The following FBXO24 variants were observed in gnomAD, a reference collection of about 807,000 sequenced individuals.
FBXO24 encodes F-box only protein 24.
In FBXO24, 30 loss-of-function variants were observed where a neutral mutation model predicts 63.5. That is an observed-to-expected ratio of 0.47 (90% CI 0.35 to 0.64). FBXO24 has a LOEUF of 0.64. Among genes scored for constraint, FBXO24 ranks in the 30% least tolerant of loss-of-function variants. FBXO24 has a pLI of 0.00. For missense variants in FBXO24, 624 were observed against 763.4 expected (o/e 0.82, Z 2.15); for synonymous variants, 300 against 305.0 (o/e 0.98, Z 0.17).
At chr7:100,587,011 C>T (rs1801791913) in intron 1 of FBXO24, among the ~76,000 whole-genome samples, 1 of 152,154 alleles carries the variant, frequency 6.6e-6, no homozygotes, top group Admixed American at 6.5e-5. Flanking sequence ...CGAGGAGCTC[C>T]CCTGGACAGG....
At chr7:100,586,966 T>G (rs1801789494) in intron 1 of FBXO24, among the ~76,000 whole-genome samples, 2 of 151,294 alleles carry the variant, frequency 1.3e-5, no homozygotes, top group African/African-American at 2.4e-5. Context: ...GGAGGGAGGG[T>G]GTAGGTGCAG....
intron 5 of FBXO24, among the ~76,000 whole-genome samples, chr7:100,593,377 A>C (rs1250856099): frequency 1.3e-5 from 2 of 152,164 alleles, no homozygotes; most frequent in South Asian, 2.1e-4. Flanking sequence ...CACACCTGTA[A>C]TCCCAGTTTT....
In FBXO24 at chr7:100,586,523, T is replaced by G; in HGVS notation, c.-103T>G. 7.9e-7 allele frequency: 1 copy of G among 1,262,206 alleles called. No individual in the cohort carries two copies. The allele number at this position is 1,262,206 out of a possible 1,614,324, so 78.2% of individuals were successfully genotyped here. A position where few individuals can be genotyped will look rare whatever the true frequency, so the allele number is the denominator to read the frequency against. On this transcript the variant is annotated 5_prime_UTR_variant, in exon 1 of 10. Transcript: ENST00000241071. ...GTCCTCGTCCCCCAAAGACCAATCGTAAGCCAGATACAGGCGAGTGACTGT... is the reference window on the plus strand; with the variant it reads ...GTCCTCGTCCCCCAAAGACCAATCGGAAGCCAGATACAGGCGAGTGACTGT...
In FBXO24 at chr7:100,592,809, A is replaced by T; in HGVS notation, c.585A>T (p.Thr195=). ...TTGCCTCGGACCCAAGGTGTGACAC[A>T]GTTTACCGTAAATACCTCTACGTCT... is the stretch of plus-strand genomic sequence containing the variant. The part of the protein sequence containing the change: ...KDFASDPRCD[T]VYRKYLYVLA... The change falls in exon 5 of 10, where the codon ACA becomes ACT. Residue 195 remains threonine (T), a synonymous_variant. Coordinates refer to ENST00000241071, the MANE Select transcript of FBXO24 (RefSeq NM_033506.3). 5 of 1,614,066 alleles carry T rather than the reference A, an allele frequency of 3.1e-6. No individual in the cohort carries two copies. Among genetic ancestry groups the T allele is most frequent in the Non-Finnish European group, 4.2e-6 (5 of 1,180,002 alleles).
In FBXO24 at chr7:100,594,587, C is replaced by T. The variant is rs1479228236; in HGVS notation, c.952+46C>T. The T allele has an allele frequency of 2.7e-6, 4 of 1,483,178 alleles. No individual in the cohort carries two copies. Among genetic ancestry groups the T allele is most frequent in the East Asian group, 2.5e-5 (1 of 40,690 alleles). 91.9% of individuals were successfully genotyped at this position (1,483,178 alleles called of 1,614,324 possible). ...GCTCAAGCCCGCAGCCTTGGTTAGACCCTCTAAACATCAACACCCTTCACC... is the reference window on the plus strand; with the variant it reads ...GCTCAAGCCCGCAGCCTTGGTTAGATCCTCTAAACATCAACACCCTTCACC... On this transcript the variant is annotated intron_variant, in intron 6 of 9. Transcript: ENST00000241071. The surrounding 1 kb of genome is among the most constrained non-coding windows in gnomAD (Gnocchi z 4.2).
intron 1 of FBXO24, chr7:100,589,460 G>A: frequency 7.9e-7 from 1 of 1,261,502 alleles, no homozygotes; most frequent in Non-Finnish European, 1.0e-6. Context: ...CCATGTGATG[G>A]CTAGAACTGA....
In FBXO24 at chr7:100,587,846, C is replaced by T. The variant is rs576304333; in HGVS notation, c.39+1182C>T. 5.9e-5 allele frequency among the ~76,000 whole-genome samples: 9 copies of T among 152,030 alleles called. No homozygotes were observed. In the South Asian group the frequency reaches 8.3e-4, roughly 14 times the overall value. ...AAACTTTTGACCTCAAGCGATCCTG[C>T]CTCTGCCTCCCAAAGTACTGGGATC... On this transcript the variant is annotated intron_variant, in intron 1 of 9. Coordinates refer to ENST00000241071, the MANE Select transcript of FBXO24 (RefSeq NM_033506.3).
Position 100,595,095 on chromosome 7 carries a change from C to T in FBXO24, c.953-7C>T, listed in dbSNP as rs762708208. 8 of 1,613,636 alleles carry T rather than the reference C, an allele frequency of 5.0e-6. No individual in the cohort carries two copies. The Admixed American group carries it at 8.3e-5, about 17-fold the overall frequency. ...AGCTGCTGAGCTGAGGGCTCCTGAC[C>T]CCCCAGACCAGGGGGGAGTGTATTT... On this transcript the variant is annotated splice_region_variant and splice_polypyrimidine_tract_variant and intron_variant, in intron 6 of 9. Coordinates refer to ENST00000241071, the MANE Select transcript of FBXO24 (RefSeq NM_033506.3).
Position 100,601,087 on chromosome 7 carries a change from T to C in FBXO24, c.*188T>C. ...CAACCTGACTATCATGGACAAGAGA[T>C]TTGATGGATAGAATAAAAGGCTGCA... On this transcript the variant is annotated 3_prime_UTR_variant, in exon 10 of 10. Coordinates refer to ENST00000241071, the MANE Select transcript of FBXO24 (RefSeq NM_033506.3). 1.4e-6 allele frequency: 1 copy of C among 694,754 alleles called. No homozygotes were observed. The highest frequency in any genetic ancestry group is 2.3e-5 in the South Asian group (1 of 44,040). 43.0% of individuals were successfully genotyped at this position (694,754 alleles called of 1,614,324 possible).
intron 7 of FBXO24, 139 bp from the exon 8 acceptor site, chr7:100,595,436 A>T: frequency 7.8e-7 from 1 of 1,277,416 alleles, no homozygotes; most frequent in Non-Finnish European, 1.1e-6. Context: ...CCTGGGCAAC[A>T]TAGTGAGATC....
rs1005520680 is a variant in FBXO24, at chr7:100,600,401, C to T, written c.1378-133C>T. On this transcript the variant is annotated intron_variant, in intron 9 of 9. Coordinates refer to ENST00000241071, the MANE Select transcript of FBXO24 (RefSeq NM_033506.3). The surrounding 1 kb of genome is among the most constrained non-coding windows in gnomAD (Gnocchi z 6.3). ...TGTGCTGGCCTTGCCCAACCTCACA[C>T]ACCCCTGGGACTTAGCCGGCTCAGG... The T allele has an allele frequency of 3.4e-6, 5 of 1,482,836 alleles. No homozygotes were observed. The highest frequency in any genetic ancestry group is 2.3e-5 in the East Asian group (1 of 43,542). The allele number at this position is 1,482,836 out of a possible 1,614,324, so 91.9% of individuals were successfully genotyped here. A position where few individuals can be genotyped will look rare whatever the true frequency, so the allele number is the denominator to read the frequency against.
intron 7 of FBXO24, 50 bp from the exon 8 acceptor site, chr7:100,595,525 T>A: frequency 6.6e-7 from 1 of 1,523,312 alleles, no homozygotes; most frequent in African/African-American, 1.4e-5. Context: ...GAACTCAGAG[T>A]TCCTCTGGAG....
rs1014483824 is a variant in FBXO24 at position 100,591,726 on chromosome 7, G to A, written c.382G>A (p.Val128Met). Residue 128 changes from valine (V) to methionine (M), a missense_variant, in exon 4 of 10, where the codon GTG becomes ATG. Transcript: ENST00000241071. ...GGRRRCLSKS[V>M]APLLAHGYRR... The stretch of plus-strand genomic sequence containing the variant: ...CCGCCGCCGATGTCTCAGCAAGAGC[G>A]TGGCCCCCTTGCTAGCCCACGGCTA... The A allele has an allele frequency of 1.2e-5, 20 of 1,614,102 alleles. No individual in the cohort carries two copies. Among genetic ancestry groups the A allele is most frequent in the Admixed American group, 5.0e-5 (3 of 60,004 alleles).
chr7:100,599,975 CAG>C (rs2131281429), intron 8 of FBXO24, 54 bp from the exon 9 acceptor site: 1,665 of 1,430,506 alleles, frequency 1.2e-3, no homozygotes, highest in Non-Finnish European at 1.4e-3. Context: ...TTTCCCACCC[CAG>C]CCCCCCCGTC....
chr7:100,588,711 C>T (rs1801865131), intron 1 of FBXO24, among the ~76,000 whole-genome samples: 1 of 152,166 alleles, frequency 6.6e-6, no homozygotes, highest in African/African-American at 2.4e-5. Flanking sequence ...ATATCAGAGA[C>T]CCTGGGAGAA....
Position 100,595,191 on chromosome 7 carries a change from C to A in FBXO24, c.1042C>A (p.Gln348Lys), listed in dbSNP as rs1802245755. Reference protein sequence around the residue: ...TLQAFDPLDQQMPLALSLPAK... With the variant: ...TLQAFDPLDQKMPLALSLPAK... ...TCAAGCCTTTGACCCCCTGGACCAG[C>A]AGATGCCGCTTGCTCTCTCACTGCC... is the stretch of plus-strand genomic sequence containing the variant. Residue 348 changes from glutamine to lysine, a missense_variant, in exon 7 of 10, where the codon CAG becomes AAG. Around this residue, in one of 3 missense-constraint regions of FBXO24, gnomAD observed 391 missense variants for 469.1 expected, o/e 0.83. Coordinates refer to ENST00000241071, the MANE Select transcript of FBXO24 (RefSeq NM_033506.3). The A allele has an allele frequency of 6.2e-7, 1 of 1,614,006 alleles. No individual in the cohort carries two copies. Among genetic ancestry groups the A allele is most frequent in the African/African-American group, 1.3e-5 (1 of 74,892 alleles).
At chr7:100,590,486 G>A (rs1801963583) in intron 3 of FBXO24, 129 bp downstream of exon 3, 8 of 955,360 alleles carry the variant, frequency 8.4e-6, no homozygotes, top group Admixed American at 6.0e-5. Flanking sequence ...CGGAAGAAAC[G>A]GGTCCAGTTC....
intron 1 of FBXO24, chr7:100,586,899 A>AC: frequency 9.0e-6 from 1 of 110,612 alleles, no homozygotes; most frequent in African/African-American, 5.8e-5. Flanking sequence ...GGGTCTCGGG[A>AC]CCCCCGGGCT....
chr7:100,597,896 T>TG (rs1189032083), intron 8 of FBXO24, among the ~76,000 whole-genome samples: 1 of 150,662 alleles, frequency 6.6e-6, no homozygotes, highest in East Asian at 1.9e-4. Context: ...TTTTTTTGTT[T>TG]TTTTTTTTTT....
Sources: gnomAD v4.1 joint callset for allele counts (sites outside exome capture counted in the v4.1 genomes callset) on GRCh38, gnomAD v4.1.1 for gene constraint, gnomAD v4.1.1 regional missense constraint, Gnocchi (gnomAD v3.1) non-coding constraint, MANE v1.5 for transcripts, NCBI Gene and HGNC (gene_info 2026-07-23, HGNC 2026-07-21) for gene names.